Variants in CCDC57 observed in about 807,000 individuals in gnomAD.
The protein encoded by CCDC57 is coiled-coil domain-containing protein 57.
CCDC57 carries 118 observed loss-of-function variants against 118.9 expected under a neutral mutation model. The observed-to-expected ratio is 0.99, with a 90% CI of 0.86 to 1.16. CCDC57 has a LOEUF of 1.16. Among genes scored for constraint, CCDC57 ranks in the 50% most tolerant of loss-of-function variants. The pLI is 0.00. For synonymous variants in CCDC57, 527 were observed against 532.9 expected, an observed-to-expected ratio of 0.99 and a Z score of 0.15; for missense variants, 1,300 against 1,320.7, an observed-to-expected ratio of 0.98 and a Z score of 0.24.
chr17:82,169,690 C>T (rs905979149), intron 13 of CCDC57, among the ~76,000 whole-genome samples: 4 of 152,138 alleles, frequency 2.6e-5, no homozygotes, highest in African/African-American at 9.7e-5. Context: ...TTGGTTACAC[C>T]AAGAGGACTC....
At chr17:82,145,284 C>T (rs2040568716) in intron 16 of CCDC57, among the ~76,000 whole-genome samples, 1 of 148,450 alleles carries the variant, frequency 6.7e-6, no homozygotes, top group Non-Finnish European at 1.5e-5. Flanking sequence ...CGGTGGCTCA[C>T]ACCTGTAATC....
intron 19 of CCDC57, among the ~76,000 whole-genome samples, chr17:82,115,547 C>G (rs9894554): frequency 0.52 from 79,094 of 151,778 alleles, 21,344 homozygotes; most frequent in Non-Finnish European, 0.57. Context: ...GACATGGGAG[C>G]ATTGCTTGAA....
chr17:82,212,559 C>G lies in CCDC57; in HGVS notation c.-211+226G>C, dbSNP rs906219235. 6.6e-6 allele frequency among the ~76,000 whole-genome samples: 1 copy of G among 152,130 alleles called. No homozygotes were observed. Among genetic ancestry groups the G allele is most frequent in the Non-Finnish European group, 1.5e-5 (1 of 67,982 alleles). On this transcript the variant is annotated intron_variant, in intron 1 of 19. Transcript: ENST00000665763. This position sits in a 1 kb window ranked among gnomAD's most constrained non-coding sequence, Gnocchi z 4.1. ...ACCCACGGGAGACCGAGGGAACGCTCCCGCTCCACGCGGCCGCAACCCCCG... is the reference window on the plus strand; with the variant it reads ...ACCCACGGGAGACCGAGGGAACGCTGCCGCTCCACGCGGCCGCAACCCCCG...
intron 19 of CCDC57, among the ~76,000 whole-genome samples, chr17:82,105,655 C>T (rs373707176): frequency 6.6e-6 from 1 of 152,122 alleles, no homozygotes; most frequent in Non-Finnish European, 1.5e-5. Context: ...ACCGTGGCCC[C>T]GGGGCTGCCT....
rs535034163 is a variant in CCDC57, at chr17:82,134,454, G to C, written c.2456-260C>G. On this transcript the variant is annotated intron_variant, in intron 16 of 19. Coordinates refer to ENST00000665763, the Ensembl canonical transcript of CCDC57. ...CACAGCGGGGGCAGCAAGCACATTC[G>C]CTAACAGAAGCACCCAGACGCCCTT... The C allele has an allele frequency of 8.7e-5, 29 of 334,136 alleles. No individual in the cohort carries two copies. In the South Asian group the frequency reaches 4.2e-3, roughly 48 times the overall value. The allele number at this position is 334,136 out of a possible 1,614,324, so 20.7% of individuals were successfully genotyped here. A position where few individuals can be genotyped will look rare whatever the true frequency, so the allele number is the denominator to read the frequency against.
chr17:82,187,236 C>CAAAAAAAA (rs61100137), intron 8 of CCDC57, among the ~76,000 whole-genome samples: 3 of 63,022 alleles, frequency 4.8e-5, no homozygotes, highest in African/African-American at 6.7e-5. Context: ...GACTCCATCT[C>CAAAAAAAA]AAAAAAAAAA....
chr17:82,184,027 GCGCGCACACACACACACACACACACACA>G (rs2046585238), intron 8 of CCDC57, 95 bp from the exon 8 acceptor site: 7 of 325,788 alleles, frequency 2.1e-5, no homozygotes, highest in East Asian at 6.9e-5. Flanking sequence ...GCGCGCGCGC[GCGCGCACACACACACACACACACACACA>G]CACACACACA....
chr17:82,166,302 T>C (rs1674614632), intron 13 of CCDC57, among the ~76,000 whole-genome samples: 1 of 146,432 alleles, frequency 6.8e-6, no homozygotes, highest in Admixed American at 6.8e-5. Context: ...TTGAAGCCAA[T>C]AGTTTAAGAT....
chr17:82,199,749 T>C (rs561619895), intron 3 of CCDC57, among the ~76,000 whole-genome samples: 2 of 152,130 alleles, frequency 1.3e-5, no homozygotes, highest in African/African-American at 4.8e-5. Context: ...CCAGCCTTCA[T>C]GCTGGGGACG....
chr17:82,112,803 T>C (rs574658777), intron 19 of CCDC57: 1 of 152,640 alleles, frequency 6.6e-6, no homozygotes, highest in East Asian at 1.9e-4. Flanking sequence ...TTGTCCGGGA[T>C]CTCGGACTCG....
At chr17:82,147,640 G>GATGC (rs1345676105) in intron 16 of CCDC57, among the ~76,000 whole-genome samples, 1 of 142,386 alleles carries the variant, frequency 7.0e-6, no homozygotes, top group African/African-American at 2.6e-5. Flanking sequence ...TGGGTGGATG[G>GATGC]ATGGGTGGAT....
At chr17:82,183,889 G>C (rs1253233972) in exon 9 of CCDC57, 10 of 1,613,614 alleles carry the variant, frequency 6.2e-6, no homozygotes, top group Non-Finnish European at 8.5e-6. Flanking sequence ...TGAGCAATTT[G>C]AGCATCCCAG....
intron 19 of CCDC57, among the ~76,000 whole-genome samples, chr17:82,123,122 CTT>C (rs34869339): frequency 5.8e-3 from 618 of 105,734 alleles, no homozygotes; most frequent in African/African-American, 0.023. Flanking sequence ...CTCCTAATAA[CTT>C]TTTTTTTTTT....
chr17:82,201,151 T>G (rs1029733792), intron 3 of CCDC57, among the ~76,000 whole-genome samples: 7 of 152,260 alleles, frequency 4.6e-5, no homozygotes, highest in African/African-American at 1.7e-4. Flanking sequence ...TATGTCGACT[T>G]GCCTTAAGTC....
chr17:82,119,904 C>A (rs144950932), intron 19 of CCDC57, among the ~76,000 whole-genome samples: 125 of 152,262 alleles, frequency 8.2e-4, no homozygotes, highest in African/African-American at 2.8e-3. Context: ...GGGGGAGCCC[C>A]GACTCCAGCC....
chr17:82,102,753 C>T (rs1257919084), intron 19 of CCDC57, among the ~76,000 whole-genome samples: 4 of 151,976 alleles, frequency 2.6e-5, no homozygotes, highest in Non-Finnish European at 5.9e-5. Flanking sequence ...GGCACGGTGG[C>T]GGGCACCTGT....
intron 19 of CCDC57, among the ~76,000 whole-genome samples, chr17:82,111,409 T>G (rs2035233759): frequency 6.8e-6 from 1 of 147,308 alleles, no homozygotes; most frequent in Admixed American, 6.8e-5. Flanking sequence ...GAGGCTGTCT[T>G]GCTCTGTCGC....
chr17:82,113,448 G>A (rs1468610470), intron 19 of CCDC57: 4 of 717,516 alleles, frequency 5.6e-6, no homozygotes, highest in African/African-American at 1.7e-5. Context: ...CAAGAGAGCA[G>A]GGTCCTCTCC....
At chr17:82,196,793 G>C (rs981616878) in intron 4 of CCDC57, among the ~76,000 whole-genome samples, 4 of 144,838 alleles carry the variant, frequency 2.8e-5, no homozygotes, top group South Asian at 2.3e-4. Context: ...AAGCCCCTCA[G>C]GACACCTGCA....
Sources: allele counts gnomAD v4.1 joint callset (sites outside exome capture counted in the v4.1 genomes callset), GRCh38; gene constraint gnomAD v4.1.1; non-coding constraint Gnocchi (gnomAD v3.1); transcripts MANE v1.5; gene names NCBI Gene and HGNC (gene_info 2026-07-23, HGNC 2026-07-21).